LCE2D: variants seen among roughly 807,000 people sequenced by gnomAD.
LCE2D encodes the protein late cornified envelope 2D.
For missense variants in LCE2D, 161 were observed against 142.9 expected, an observed-to-expected ratio of 1.13 and a Z score of -0.65; for synonymous variants, 55 against 51.3, an observed-to-expected ratio of 1.07 and a Z score of -0.31.
rs776043293 is a variant in LCE2D, at chr1:152,664,431, G to A, written c.326G>A (p.Cys109Tyr). The A allele has an allele frequency of 1.2e-6, 2 of 1,611,582 alleles. No individual in the cohort carries two copies. The highest frequency in any genetic ancestry group is 3.3e-5 in the Admixed American group (2 of 59,736). ...GGCTGCTGCCACAGCTCTGGGGGCTGCTGCTGACCTGGGCTGCAGAAGAGC... is the reference window on the plus strand; with the variant it reads ...GGCTGCTGCCACAGCTCTGGGGGCTACTGCTGACCTGGGCTGCAGAAGAGC... ...ASGCCHSSGG[C>Y]C The change falls in exon 2 of 2, where the codon TGC (cysteine) becomes TAC (tyrosine). Residue 109 changes from cysteine to tyrosine, a missense_variant. By Grantham distance (194) the Cys-to-Tyr change is radical. Coordinates refer to ENST00000368784, the MANE Select transcript of LCE2D (RefSeq NM_178430.4).
Position 152,664,536 on chromosome 1 carries a change from A to G in LCE2D, c.*98A>G, listed in dbSNP as rs566582135. On this transcript the variant is annotated 3_prime_UTR_variant, in exon 2 of 2. Transcript: ENST00000368784. ...TTCCTTTCATTCCACTCATGGGTGG[A>G]CAGGGACCACAAAGACTCATGGGGC... The G allele has an allele frequency of 9.5e-5, 142 of 1,500,326 alleles. No homozygotes were observed. In the African/African-American group the frequency reaches 1.7e-3, roughly 18 times the overall value. The allele number at this position is 1,500,326 out of a possible 1,614,324, so 92.9% of individuals were successfully genotyped here.
chr1:152,664,281 G>A lies in LCE2D; in HGVS notation c.176G>A (p.Ser59Asn). 1 of 1,614,154 alleles carries A rather than the reference G, an allele frequency of 6.2e-7. No homozygotes were observed. Among genetic ancestry groups the A allele is most frequent in the South Asian group, 1.1e-5 (1 of 91,074 alleles). Residue 59 changes from serine to asparagine, a missense_variant, in exon 2 of 2, where the codon AGC becomes AAC. By Grantham distance (46) the Ser-to-Asn change is conservative. Transcript: ENST00000368784. ...GPSSGSCCGP[S>N]SGGCCSSGGG... ...AGCTCTGGGAGCTGCTGTGGTCCCA[G>A]CTCTGGGGGCTGCTGCAGCTCTGGG...
Position 152,664,213 on chromosome 1 carries a change from C to T in LCE2D, c.108C>T (p.Cys36=), listed in dbSNP as rs776162674. ...GTCCCCCCAAATGCCCACCACAGTG[C>T]CCAGCTCCATGTTCCCCTGCAGTCT... ...PKCPPKCPPQ[C]PAPCSPAVSS... is the part of the protein sequence containing the mutation. The change falls in exon 2 of 2, where the codon TGC becomes TGT. Residue 36 remains cysteine, a synonymous_variant. Coordinates refer to ENST00000368784, the MANE Select transcript of LCE2D (RefSeq NM_178430.4). 1 of 1,614,224 alleles carries T rather than the reference C, an allele frequency of 6.2e-7. No individual in the cohort carries two copies. The highest frequency in any genetic ancestry group is 2.2e-5 in the East Asian group (1 of 44,874).
At chr1:152,663,523 G>A (rs1046508016) in intron 1 of LCE2D, 94 bp downstream of exon 1, 2 of 153,572 alleles carry the variant, frequency 1.3e-5, no homozygotes, top group African/African-American at 4.8e-5. Flanking sequence ...GTGCGCTTGT[G>A]TTCTCCCATA....
chr1:152,664,232 G>C lies in LCE2D; in HGVS notation c.127G>C (p.Ala43Pro), dbSNP rs781390892. 1 of 1,614,018 alleles carries C rather than the reference G, an allele frequency of 6.2e-7. No individual in the cohort carries two copies. The highest frequency in any genetic ancestry group is 1.3e-5 in the African/African-American group (1 of 74,910). Residue 43 changes from alanine (A) to proline (P), a missense_variant, in exon 2 of 2, where the codon GCA (alanine) becomes CCA (proline). By Grantham distance (27) the Ala-to-Pro change is conservative. Coordinates refer to ENST00000368784, the MANE Select transcript of LCE2D (RefSeq NM_178430.4). ...ACAGTGCCCAGCTCCATGTTCCCCT[G>C]CAGTCTCTTCCTGCTGTGGTCCCAG... ...PPQCPAPCSP[A>P]VSSCCGPSSG...
rs770837577 is a variant in LCE2D, at chr1:152,664,135, C to T, written c.30C>T (p.Cys10=). 3.7e-6 allele frequency: 6 copies of T among 1,614,132 alleles called. No individual in the cohort carries two copies. Among genetic ancestry groups the T allele is most frequent in the Non-Finnish European group, 5.1e-6 (6 of 1,179,998 alleles). The change falls in exon 2 of 2, where the codon TGC becomes TGT. Residue 10 remains cysteine, a synonymous_variant. Coordinates refer to ENST00000368784, the MANE Select transcript of LCE2D (RefSeq NM_178430.4). Reference sequence around the variant, plus strand: ...CTTGCCAGCAAAACCAGCAGCAGTGCCAGCCCCCTCCCAAATGTCCTCCCA... The same window carrying T: ...CTTGCCAGCAAAACCAGCAGCAGTGTCAGCCCCCTCCCAAATGTCCTCCCA... The part of the protein sequence containing the change: MSCQQNQQQ[C]QPPPKCPPKC...
chr1:152,664,528 A>G lies in LCE2D; in HGVS notation c.*90A>G, dbSNP rs1263462413. ...ATTTCCCCTTCCTTTCATTCCACTC[A>G]TGGGTGGACAGGGACCACAAAGACT... On this transcript the variant is annotated 3_prime_UTR_variant, in exon 2 of 2. Transcript: ENST00000368784. 6.6e-6 allele frequency: 10 copies of G among 1,511,062 alleles called. No individual in the cohort carries two copies. Among genetic ancestry groups the G allele is most frequent in the South Asian group, 1.3e-5 (1 of 74,848 alleles). 93.6% of individuals were successfully genotyped at this position (1,511,062 alleles called of 1,614,324 possible).
rs930471728 is a variant in LCE2D at position 152,664,098 on chromosome 1, C to T, written c.-8C>T. On this transcript the variant is annotated 5_prime_UTR_variant, in exon 2 of 2. Coordinates refer to ENST00000368784, the MANE Select transcript of LCE2D (RefSeq NM_178430.4). ...ATTATCTTTTAGGTTGACTAAACTC[C>T]TGCCAGGATGTCTTGCCAGCAAAAC... 1 of 1,613,776 alleles carries T rather than the reference C, an allele frequency of 6.2e-7. No homozygotes were observed. The highest frequency in any genetic ancestry group is 1.3e-5 in the African/African-American group (1 of 74,922).
chr1:152,664,064 A>C (rs756537755), intron 1 of LCE2D, 21 bp from the exon 2 acceptor site: 75 of 1,601,766 alleles, frequency 4.7e-5, no homozygotes, highest in Admixed American at 3.4e-5. Flanking sequence ...ATATTTAAAG[A>C]GTTTCATTAT....
intron 1 of LCE2D, 58 bp from the exon 2 acceptor site, chr1:152,664,027 A>C: frequency 3.9e-6 from 6 of 1,549,528 alleles, no homozygotes; most frequent in Non-Finnish European, 5.2e-6. Context: ...ATTTTAGAGG[A>C]GGCATAATTA....
In LCE2D at chr1:152,664,162, G is replaced by A. The variant is rs1557801072; in HGVS notation, c.57G>A (p.Lys19=). ...AGCCCCCTCCCAAATGTCCTCCCAA[G>A]TGTACCCCAAAATGTCCACCTAAGT... ...QCQPPPKCPP[K]CTPKCPPKCP... Residue 19 remains lysine, a synonymous_variant, in exon 2 of 2, where the codon AAG becomes AAA. Transcript: ENST00000368784. 11 of 1,614,176 alleles carry A rather than the reference G, an allele frequency of 6.8e-6. No homozygotes were observed. The highest frequency in any genetic ancestry group is 2.7e-5 in the African/African-American group (2 of 75,064).
chr1:152,664,203 C>T lies in LCE2D; in HGVS notation c.98C>T (p.Pro33Leu), dbSNP rs1198383786. The T allele has an allele frequency of 2.1e-5, 34 of 1,614,120 alleles. No homozygotes were observed. The highest frequency in any genetic ancestry group is 1.6e-4 in the Middle Eastern group (1 of 6,084). Residue 33 changes from proline (P) to leucine (L), a missense_variant, in exon 2 of 2, where the codon CCA becomes CTA. By Grantham distance (98) the Pro-to-Leu change is moderately conservative. Transcript: ENST00000368784. ...KCPPKCPPKC[P>L]PQCPAPCSPA... Reference sequence around the variant, plus strand: ...CCACCTAAGTGTCCCCCCAAATGCCCACCACAGTGCCCAGCTCCATGTTCC... The same window carrying T: ...CCACCTAAGTGTCCCCCCAAATGCCTACCACAGTGCCCAGCTCCATGTTCC...
chr1:152,663,881 AG>A (rs1648470057), intron 1 of LCE2D, among the ~76,000 whole-genome samples: 1 of 152,198 alleles, frequency 6.6e-6, no homozygotes, highest in Non-Finnish European at 1.5e-5. Context: ...TCCCTCTGAA[AG>A]GAAGAATATG....
At chr1:152,663,487 T>C (rs1648460417) in intron 1 of LCE2D, 58 bp downstream of exon 1, 1 of 153,174 alleles carries the variant, frequency 6.5e-6, no homozygotes, top group Non-Finnish European at 1.5e-5. Flanking sequence ...ATGGGGAGGA[T>C]GGAGGTAGGC....
chr1:152,663,980 A>G (rs1240741287), intron 1 of LCE2D, 105 bp from the exon 2 acceptor site: 9 of 1,278,528 alleles, frequency 7.0e-6, no homozygotes, highest in Non-Finnish European at 9.8e-6. Context: ...ATGTGACTGT[A>G]TTACCTAAAT....
In LCE2D at chr1:152,664,567, C is replaced by T; in HGVS notation, c.*129C>T. 7.2e-7 allele frequency: 1 copy of T among 1,394,978 alleles called. No individual in the cohort carries two copies. The highest frequency in any genetic ancestry group is 9.6e-7 in the Non-Finnish European group (1 of 1,039,940). 86.4% of individuals were successfully genotyped at this position (1,394,978 alleles called of 1,614,324 possible). A position where few individuals can be genotyped will look rare whatever the true frequency, so the allele number is the denominator to read the frequency against. On this transcript the variant is annotated 3_prime_UTR_variant, in exon 2 of 2. Transcript: ENST00000368784. ...ACCACAAAGACTCATGGGGCTTCCCCAGAACTTTGTGCTTGATGGAGCACC... is the reference window on the plus strand; with the variant it reads ...ACCACAAAGACTCATGGGGCTTCCCTAGAACTTTGTGCTTGATGGAGCACC...
At position 152,664,305 on chromosome 1, in the gene LCE2D, G is replaced by C. The variant is rs1225809254; in HGVS notation, c.200G>C (p.Gly67Ala). The C allele has an allele frequency of 6.2e-6, 10 of 1,614,148 alleles. No homozygotes were observed. Among genetic ancestry groups the C allele is most frequent in the Non-Finnish European group, 8.5e-6 (10 of 1,180,036 alleles). The change falls in exon 2 of 2, where the codon GGG becomes GCG. Residue 67 changes from glycine to alanine, a missense_variant. Gly to Ala is a moderately conservative substitution (Grantham distance 60, BLOSUM62 0). Coordinates refer to ENST00000368784, the MANE Select transcript of LCE2D (RefSeq NM_178430.4). ...GPSSGGCCSS[G>A]GGGCCLSHHR... The stretch of plus-strand genomic sequence containing the variant: ...AGCTCTGGGGGCTGCTGCAGCTCTG[G>C]GGGTGGTGGCTGCTGCCTGAGCCAC...
At position 152,664,306 on chromosome 1, in the gene LCE2D, G is replaced by A. The variant is rs369317869; in HGVS notation, c.201G>A (p.Gly67=). The A allele has an allele frequency of 1.3e-4, 202 of 1,613,994 alleles. No individual in the cohort carries two copies. The highest frequency in any genetic ancestry group is 1.6e-4 in the Non-Finnish European group (187 of 1,180,034). ...GCTCTGGGGGCTGCTGCAGCTCTGG[G>A]GGTGGTGGCTGCTGCCTGAGCCACC... ...GPSSGGCCSS[G]GGGCCLSHHR... The change falls in exon 2 of 2, where the codon GGG becomes GGA. Residue 67 remains glycine (G), a synonymous_variant. Coordinates refer to ENST00000368784, the MANE Select transcript of LCE2D (RefSeq NM_178430.4).
rs764682771 is a variant in LCE2D, at chr1:152,664,068, T to G, written c.-21-17T>G. Reference sequence around the variant, plus strand: ...TTTGGTTTGAAATATTTAAAGAGTTTCATTATTATCTTTTAGGTTGACTAA... The same window carrying G: ...TTTGGTTTGAAATATTTAAAGAGTTGCATTATTATCTTTTAGGTTGACTAA... On this transcript the variant is annotated splice_polypyrimidine_tract_variant and intron_variant, in intron 1 of 1. Transcript: ENST00000368784. 1 of 1,605,932 alleles carries G rather than the reference T, an allele frequency of 6.2e-7. No individual in the cohort carries two copies. The highest frequency in any genetic ancestry group is 8.5e-7 in the Non-Finnish European group (1 of 1,176,600).
Sources: gnomAD v4.1 joint callset for allele counts (sites outside exome capture counted in the v4.1 genomes callset) on GRCh38, gnomAD v4.1.1 for gene constraint, MANE v1.5 for transcripts, NCBI Gene and HGNC (gene_info 2026-07-23, HGNC 2026-07-21) for gene names.